PTGS2: variants seen among roughly 807,000 people sequenced by gnomAD.
The protein encoded by PTGS2 is prostaglandin-endoperoxide synthase 2, also known as prostaglandin G/H synthase 2.
In PTGS2, 14 loss-of-function variants were observed where a neutral mutation model predicts 63.8. The ratio of observed to expected loss-of-function variants is 0.22; its 90% CI spans 0.14 to 0.34. The LOEUF is 0.34. PTGS2 is among the 10% of genes least tolerant of loss of function. PTGS2 has a pLI of 1.00. For synonymous variants in PTGS2, 271 were observed against 259.5 expected (o/e 1.04, Z -0.43); for missense variants, 533 against 738.5 (o/e 0.72, Z 3.23).
chr1:186,675,165 C>T (rs1047216596), intron 9 of PTGS2, 84 bp downstream of exon 9: 195 of 1,536,038 alleles, frequency 1.3e-4, no homozygotes, highest in Admixed American at 1.0e-3. Context: ...TGACAGAGGG[C>T]GGCTCCATCT....
chr1:186,679,763 A>G (rs1301648141), intron 1 of PTGS2, among the ~76,000 whole-genome samples: 1 of 152,192 alleles, frequency 6.6e-6, no homozygotes, highest in Non-Finnish European at 1.5e-5. Flanking sequence ...TGGATCTAGT[A>G]CACTAATCAA....
intron 4 of PTGS2, 47 bp downstream of exon 4, chr1:186,678,214 A>G: frequency 6.7e-7 from 1 of 1,496,488 alleles, no homozygotes; most frequent in Non-Finnish European, 8.9e-7. Context: ...GCAGCAATGC[A>G]GCCCGTCTTA....
Position 186,674,336 on chromosome 1 carries a change from A to C in PTGS2, c.*17T>G, listed in dbSNP as rs1665741719. 1 of 1,457,730 alleles carries C rather than the reference A, an allele frequency of 6.9e-7. No individual in the cohort carries two copies. Among genetic ancestry groups the C allele is most frequent in the Non-Finnish European group, 9.2e-7 (1 of 1,084,250 alleles). The allele number at this position is 1,457,730 out of a possible 1,614,324, so 90.3% of individuals were successfully genotyped here. A position where few individuals can be genotyped will look rare whatever the true frequency, so the allele number is the denominator to read the frequency against. The stretch of plus-strand genomic sequence containing the variant: ...AGACATGGTTCATATAAATAAATAA[A>C]TATGATCATTAGACTTCTACAGTTC... On this transcript the variant is annotated 3_prime_UTR_variant, in exon 10 of 10. Transcript: ENST00000367468.
At chr1:186,677,495 G>A (rs1665801892) in intron 5 of PTGS2, among the ~76,000 whole-genome samples, 154 bp downstream of exon 5, 1 of 152,130 alleles carries the variant, frequency 6.6e-6, no homozygotes, top group Non-Finnish European at 1.5e-5. Flanking sequence ...GAAGTAAATG[G>A]AAAATTCCTT....
intron 1 of PTGS2, 101 bp downstream of exon 1, chr1:186,680,138 G>C: frequency 6.7e-7 from 1 of 1,497,964 alleles, no homozygotes; most frequent in Non-Finnish European, 9.1e-7. Context: ...TCTCTATTCG[G>C]AGAGAAGTCG....
At position 186,671,973 on chromosome 1, in the gene PTGS2, T is replaced by C. The variant is rs1439921235; in HGVS notation, c.*2380A>G. 1 of 146,880 alleles carries C rather than the reference T, an allele frequency of 6.8e-6. No individual in the cohort carries two copies. The highest frequency in any genetic ancestry group is 1.5e-5 in the Non-Finnish European group (1 of 67,644). The allele number at this position is 146,880 out of a possible 1,614,324, so 9.1% of individuals were successfully genotyped here. Reference sequence around the variant, plus strand: ...GGTTTTGTCAGCAGATCAATGTTAATAACAAATCAAGTTTTTTTTTTAAAA... The same window carrying C: ...GGTTTTGTCAGCAGATCAATGTTAACAACAAATCAAGTTTTTTTTTTAAAA... On this transcript the variant is annotated 3_prime_UTR_variant, in exon 10 of 10. Transcript: ENST00000367468.
Position 186,673,751 on chromosome 1 carries a change from A to T in PTGS2, c.*602T>A, listed in dbSNP as rs200207384. 6.6e-6 allele frequency: 1 copy of T among 152,190 alleles called. No homozygotes were observed. The highest frequency in any genetic ancestry group is 1.5e-5 in the Non-Finnish European group (1 of 68,014). 9.4% of individuals were successfully genotyped at this position (152,190 alleles called of 1,614,324 possible). ...TTTTGGTATATGTACAAGTTTAATA[A>T]CTTTAAGAAATCAAACAAGCTTTTA... On this transcript the variant is annotated 3_prime_UTR_variant, in exon 10 of 10. Coordinates refer to ENST00000367468, the MANE Select transcript of PTGS2 (RefSeq NM_000963.4).
At chr1:186,675,814 A>G in intron 8 of PTGS2, 84 bp downstream of exon 8, 1 of 1,316,890 alleles carries the variant, frequency 7.6e-7, no homozygotes, top group Non-Finnish European at 1.0e-6. Flanking sequence ...CTCTTTTAGT[A>G]AGTTTAAGAA....
intron 5 of PTGS2, 57 bp downstream of exon 5, chr1:186,677,592 C>T (rs1665802939): frequency 6.9e-7 from 1 of 1,452,628 alleles, no homozygotes; most frequent in African/African-American, 1.4e-5. Context: ...TTAATGTTAG[C>T]CCTTGACTAT....
rs986193283 is a variant in PTGS2 at position 186,672,491 on chromosome 1, G to A, written c.*1862C>T. 1 of 151,248 alleles carries A rather than the reference G, an allele frequency of 6.6e-6. No homozygotes were observed. Among genetic ancestry groups the A allele is most frequent in the African/African-American group, 2.5e-5 (1 of 40,492 alleles). The allele number at this position is 151,248 out of a possible 1,614,324, so 9.4% of individuals were successfully genotyped here. ...TAATATTCAGAGAGGTAACCCCAAA[G>A]AAAATATACTGATTGTGACATAACA... On this transcript the variant is annotated 3_prime_UTR_variant, in exon 10 of 10. Coordinates refer to ENST00000367468, the MANE Select transcript of PTGS2 (RefSeq NM_000963.4).
In PTGS2 at chr1:186,671,923, T is replaced by C. The variant is rs956311365; in HGVS notation, c.*2430A>G. ...CACATTTGTCTGAGGCACTGAAACA[T>C]TCGCATACACAACCCAAATTCCCAG... is the stretch of plus-strand genomic sequence containing the variant. On this transcript the variant is annotated 3_prime_UTR_variant, in exon 10 of 10. Coordinates refer to ENST00000367468, the MANE Select transcript of PTGS2 (RefSeq NM_000963.4). 1.3e-5 allele frequency: 2 copies of C among 152,098 alleles called. No individual in the cohort carries two copies. The highest frequency in any genetic ancestry group is 6.5e-5 in the Admixed American group (1 of 15,270). 9.4% of individuals were successfully genotyped at this position (152,098 alleles called of 1,614,324 possible). A position where few individuals can be genotyped will look rare whatever the true frequency, so the allele number is the denominator to read the frequency against.
Position 186,678,281 on chromosome 1 carries a change from G to C in PTGS2, c.437C>G (p.Pro146Arg). ...CTCACCTTTGACACCCAAGGGAGTC[G>C]GGCAATCATCAGGCACAGGAGGAAG... is the stretch of plus-strand genomic sequence containing the variant. Reference protein sequence around the residue: ...RALPPVPDDCPTPLGVKGKKQ... With the variant: ...RALPPVPDDCRTPLGVKGKKQ... The change falls in exon 4 of 10, where the codon CCG (proline) becomes CGG (arginine). Residue 146 changes from proline (P) to arginine (R), a missense_variant. This residue lies in a region of PTGS2 where 118 missense variants were observed against 138.7 expected (regional missense o/e 0.85). Coordinates refer to ENST00000367468, the MANE Select transcript of PTGS2 (RefSeq NM_000963.4). 6.2e-7 allele frequency: 1 copy of C among 1,609,696 alleles called. No homozygotes were observed. Among genetic ancestry groups the C allele is most frequent in the Non-Finnish European group, 8.5e-7 (1 of 1,177,882 alleles).
chr1:186,679,478 C>A (rs1334148709), intron 1 of PTGS2, 40 bp from the exon 2 acceptor site: 5 of 1,383,588 alleles, frequency 3.6e-6, no homozygotes, highest in Non-Finnish European at 5.1e-6. Context: ...TCTCTAGTGT[C>A]TTAATCTTAA....
At chr1:186,680,159 A>T (rs1247927059) in intron 1 of PTGS2, 80 bp downstream of exon 1, 1 of 1,545,870 alleles carries the variant, frequency 6.5e-7, no homozygotes, top group Non-Finnish European at 8.7e-7. Context: ...GAGTACTGGG[A>T]TAGACCCAGG....
In PTGS2 at chr1:186,680,416, T is replaced by G; in HGVS notation, c.-126A>C. On this transcript the variant is annotated 5_prime_UTR_variant, in exon 1 of 10. Coordinates refer to ENST00000367468, the MANE Select transcript of PTGS2 (RefSeq NM_000963.4). Reference sequence around the variant, plus strand: ...CTCCTGACGCTCACTGCAAGTCGTATGACAATTGGTCGCTAACCGAGAGAA... The same window carrying G: ...CTCCTGACGCTCACTGCAAGTCGTAGGACAATTGGTCGCTAACCGAGAGAA... 1.6e-6 allele frequency: 1 copy of G among 633,724 alleles called. No homozygotes were observed. The allele number at this position is 633,724 out of a possible 1,614,324, so 39.3% of individuals were successfully genotyped here. A position where few individuals can be genotyped will look rare whatever the true frequency, so the allele number is the denominator to read the frequency against.
Position 186,673,333 on chromosome 1 carries a change from T to G in PTGS2, c.*1020A>C, listed in dbSNP as rs1334204444. ...ACAGCTTGGTACTTCATTAACCTCA[T>G]AGCAAAATCTGAGTACCAGGCCTGC... On this transcript the variant is annotated 3_prime_UTR_variant, in exon 10 of 10. Coordinates refer to ENST00000367468, the MANE Select transcript of PTGS2 (RefSeq NM_000963.4). 1.3e-5 allele frequency: 2 copies of G among 152,200 alleles called. No individual in the cohort carries two copies. Among genetic ancestry groups the G allele is most frequent in the Non-Finnish European group, 2.9e-5 (2 of 68,018 alleles). 9.4% of individuals were successfully genotyped at this position (152,200 alleles called of 1,614,324 possible).
In PTGS2 at chr1:186,673,941, A is replaced by G. The variant is rs1665734514; in HGVS notation, c.*412T>C. ...ACAGAAAAATAACCAAAAGTACTTTAAAATTTCAAACATTAGTTACTTCTA... is the reference window on the plus strand; with the variant it reads ...ACAGAAAAATAACCAAAAGTACTTTGAAATTTCAAACATTAGTTACTTCTA... On this transcript the variant is annotated 3_prime_UTR_variant, in exon 10 of 10. Coordinates refer to ENST00000367468, the MANE Select transcript of PTGS2 (RefSeq NM_000963.4). The G allele has an allele frequency of 6.5e-6, 1 of 152,724 alleles. No homozygotes were observed. The highest frequency in any genetic ancestry group is 2.4e-5 in the African/African-American group (1 of 41,470). 9.5% of individuals were successfully genotyped at this position (152,724 alleles called of 1,614,324 possible).
In PTGS2 at chr1:186,676,229, C is replaced by G. The variant is rs773112563; in HGVS notation, c.971-45G>C. 4 of 1,513,466 alleles carry G rather than the reference C, an allele frequency of 2.6e-6. No individual in the cohort carries two copies. In the East Asian group the frequency reaches 9.1e-5, roughly 34 times the overall value. 93.8% of individuals were successfully genotyped at this position (1,513,466 alleles called of 1,614,324 possible). On this transcript the variant is annotated intron_variant, in intron 7 of 9. Transcript: ENST00000367468. ...AATAAAAACATTTATTGCATCTGAT[C>G]ACAAGCTTTCAAGCAACTGGAATGC...
rs544168783 is a variant in PTGS2 at position 186,674,905 on chromosome 1, G to A, written c.1406-143C>T. 52 of 1,047,742 alleles carry A rather than the reference G, an allele frequency of 5.0e-5. No individual in the cohort carries two copies. The African/African-American group carries it at 7.9e-4, about 16-fold the overall frequency. 64.9% of individuals were successfully genotyped at this position (1,047,742 alleles called of 1,614,324 possible). A position where few individuals can be genotyped will look rare whatever the true frequency, so the allele number is the denominator to read the frequency against. On this transcript the variant is annotated intron_variant, in intron 9 of 9. Transcript: ENST00000367468. ...CTTTTAAGAAGTTTAGGGGCCAGGCGCGGTGGCTCACGCCTGTAATCCCAG... is the reference window on the plus strand; with the variant it reads ...CTTTTAAGAAGTTTAGGGGCCAGGCACGGTGGCTCACGCCTGTAATCCCAG...
Sources: allele counts gnomAD v4.1 joint callset (sites outside exome capture counted in the v4.1 genomes callset), GRCh38; gene constraint gnomAD v4.1.1; regional missense constraint gnomAD v4.1.1; transcripts MANE v1.5; gene names NCBI Gene and HGNC (gene_info 2026-07-23, HGNC 2026-07-21).